Variants in PTPRD observed in about 807,000 individuals in gnomAD.
The protein encoded by PTPRD is receptor-type tyrosine-protein phosphatase delta.
Under a neutral mutation model 214.5 loss-of-function variants are expected in PTPRD, and 34 were observed. That is an observed-to-expected ratio of 0.16 (90% CI 0.12 to 0.21). The LOEUF (loss-of-function observed/expected upper bound fraction) is 0.21, where lower values mean the gene tolerates loss of function less well. Ranked by LOEUF, PTPRD falls within the 10% of genes least tolerant of loss-of-function variation. The probability of loss-of-function intolerance (pLI) is 1.00; values close to 1 mark genes in which losing one functional copy is unlikely to be tolerated. For synonymous variants in PTPRD, 1,128 were observed against 845.7 expected (o/e 1.33, Z -5.79); for missense variants, 2,545 against 2,398.7 (o/e 1.06, Z -1.27).
intron 7 of PTPRD, among the ~76,000 whole-genome samples, chr9:9,602,818 C>A (rs1490979952): frequency 6.6e-6 from 1 of 152,042 alleles, no homozygotes; most frequent in Non-Finnish European, 1.5e-5. Context: ...CCTACGATGC[C>A]AGTCATAACT....
intron 11 of PTPRD, among the ~76,000 whole-genome samples, chr9:8,820,614 C>T (rs952815727): frequency 2.0e-5 from 3 of 152,012 alleles, no homozygotes; most frequent in Admixed American, 6.6e-5. Context: ...TCTTGTTAAA[C>T]CATCATTTTC....
intron 8 of PTPRD, among the ~76,000 whole-genome samples, chr9:9,452,898 A>G (rs2092444034): frequency 6.6e-6 from 1 of 151,548 alleles, no homozygotes; most frequent in African/African-American, 2.4e-5. Context: ...ATCACAAAAC[A>G]AGCACATTCT....
chr9:10,246,045 G>T (rs149657278), intron 3 of PTPRD, among the ~76,000 whole-genome samples: 283 of 152,212 alleles, frequency 1.9e-3, no homozygotes, highest in African/African-American at 6.5e-3. Context: ...GGCCTCCCAA[G>T]AATGTTTTTT....
chr9:9,524,124 G>A (rs1425121181), intron 8 of PTPRD, among the ~76,000 whole-genome samples: 1 of 152,168 alleles, frequency 6.6e-6, no homozygotes, highest in Non-Finnish European at 1.5e-5. Flanking sequence ...GACCCAGCTT[G>A]AAAACAGAGC....
chr9:10,154,625 G>T (rs34879014), intron 3 of PTPRD, among the ~76,000 whole-genome samples: 26,468 of 151,830 alleles, frequency 0.17, 2,731 homozygotes, highest in Admixed American at 0.32. Flanking sequence ...AATCCATCTT[G>T]AATTGACTTT....
intron 36 of PTPRD, among the ~76,000 whole-genome samples, chr9:8,402,685 C>T (rs1589566236): frequency 2.7e-5 from 2 of 73,340 alleles, no homozygotes; most frequent in East Asian, 5.6e-4. Flanking sequence ...GACTTGAGAC[C>T]CCCCACAAAA....
chr9:8,827,242 C>A (rs952362542), intron 11 of PTPRD, among the ~76,000 whole-genome samples: 3 of 152,046 alleles, frequency 2.0e-5, no homozygotes, highest in African/African-American at 7.2e-5. Flanking sequence ...TATTTCAGTC[C>A]CCCAAACCTA....
chr9:9,967,879 A>G (rs1034349493), intron 4 of PTPRD, among the ~76,000 whole-genome samples: 19 of 152,224 alleles, frequency 1.2e-4, no homozygotes, highest in African/African-American at 4.1e-4. Context: ...TTTTACAAGT[A>G]TACTTGATAG....
rs537664589 is a variant in PTPRD at position 10,222,265 on chromosome 9, G to A, written c.-545+118698C>T. Among the ~76,000 whole-genome samples the A allele has an allele frequency of 1.4e-3, 212 of 152,066 alleles. 1 individual carries two copies. Among genetic ancestry groups the A allele is most frequent in the South Asian group, 5.2e-3 (25 of 4,818 alleles). On this transcript the variant is annotated intron_variant, in intron 3 of 45. Coordinates refer to ENST00000381196, the MANE Select transcript of PTPRD (RefSeq NM_002839.4). ...TCATGCAAGAATAGTCTTACATAGAGGTATTTACTACAGTTGTTTGTTCTG... is the reference window on the plus strand; with the variant it reads ...TCATGCAAGAATAGTCTTACATAGAAGTATTTACTACAGTTGTTTGTTCTG...
At chr9:9,356,232 T>C (rs1436089232) in intron 9 of PTPRD, among the ~76,000 whole-genome samples, 1 of 151,374 alleles carries the variant, frequency 6.6e-6, no homozygotes, top group Non-Finnish European at 1.5e-5. Flanking sequence ...TATGTTTTTT[T>C]AATCTTGGAG....
At chr9:9,441,503 C>A (rs2087781999) in intron 8 of PTPRD, among the ~76,000 whole-genome samples, 1 of 152,036 alleles carries the variant, frequency 6.6e-6, no homozygotes, top group African/African-American at 2.4e-5. Context: ...CTTCAAAAGG[C>A]AAAAGGTGAT....
chr9:9,948,153 T>C (rs562031131), intron 4 of PTPRD, among the ~76,000 whole-genome samples: 3 of 152,092 alleles, frequency 2.0e-5, no homozygotes, highest in Non-Finnish European at 4.4e-5. Flanking sequence ...TGGGGTCTGC[T>C]CATCATTCAG....
intron 2 of PTPRD, among the ~76,000 whole-genome samples, chr9:10,423,057 A>G (rs1008672872): frequency 2.0e-5 from 3 of 152,122 alleles, no homozygotes; most frequent in Admixed American, 6.6e-5. Flanking sequence ...AACCAACCCA[A>G]ATGTCCATCA....
intron 15 of PTPRD, 21 bp downstream of exon 15, chr9:8,528,570 G>T: frequency 6.2e-7 from 1 of 1,605,936 alleles, no homozygotes; most frequent in Non-Finnish European, 8.5e-7. Flanking sequence ...GGAGTTAGTA[G>T]AAACAGTAAC....
intron 9 of PTPRD, among the ~76,000 whole-genome samples, chr9:9,287,424 G>T (rs1318164358): frequency 2.6e-5 from 4 of 151,768 alleles, no homozygotes; most frequent in African/African-American, 9.7e-5. Flanking sequence ...TCTCAAGTTT[G>T]CAGATTACCA....
chr9:10,543,671 T>A (rs765243306), intron 2 of PTPRD, among the ~76,000 whole-genome samples: 1 of 152,190 alleles, frequency 6.6e-6, no homozygotes, highest in Non-Finnish European at 1.5e-5. Context: ...AGTTGGACAT[T>A]TGAACTATAG....
chr9:8,320,442 A>C (rs1447194946), intron 44 of PTPRD, among the ~76,000 whole-genome samples: 1 of 152,062 alleles, frequency 6.6e-6, no homozygotes, highest in Non-Finnish European at 1.5e-5. Context: ...CATAACCTAA[A>C]TGTATTTGCC....
chr9:10,602,295 T>C (rs976600347), intron 2 of PTPRD, among the ~76,000 whole-genome samples: 1 of 151,886 alleles, frequency 6.6e-6, no homozygotes, highest in Non-Finnish European at 1.5e-5. Context: ...GATAATTTCA[T>C]ATAACAAAGA....
At chr9:10,055,619 A>T (rs900445955) in intron 3 of PTPRD, among the ~76,000 whole-genome samples, 7 of 151,996 alleles carry the variant, frequency 4.6e-5, no homozygotes, top group African/African-American at 1.7e-4. Context: ...ACAATATCTG[A>T]GATTTCATTC....
Sources: allele counts gnomAD v4.1 joint callset (sites outside exome capture counted in the v4.1 genomes callset), GRCh38; gene constraint gnomAD v4.1.1; transcripts MANE v1.5; gene names NCBI Gene and HGNC (gene_info 2026-07-23, HGNC 2026-07-21).